LRRFIP2: variants seen among roughly 807,000 people sequenced by gnomAD.
LRRFIP2 encodes leucine-rich repeat flightless-interacting protein 2.
Under a neutral mutation model 125.9 loss-of-function variants are expected in LRRFIP2, and 109 were observed. The ratio of observed to expected loss-of-function variants is 0.87; its 90% CI spans 0.74 to 1.01. The LOEUF (loss-of-function observed/expected upper bound fraction) is 1.01. Ranked by LOEUF, LRRFIP2 falls within the 50% of genes least tolerant of loss-of-function variation. The pLI is 0.00. For missense variants in LRRFIP2, 850 were observed against 862.3 expected (o/e 0.99, Z 0.18); for synonymous variants, 291 against 293.1 (o/e 0.99, Z 0.07).
intron 2 of LRRFIP2, among the ~76,000 whole-genome samples, chr3:37,130,312 T>C (rs933648182): frequency 6.6e-6 from 1 of 152,240 alleles, no homozygotes; most frequent in African/African-American, 2.4e-5. Context: ...TACATGGTTA[T>C]ATGATGGACA....
intron 1 of LRRFIP2, among the ~76,000 whole-genome samples, chr3:37,157,034 CAGG>C (rs1183476237): frequency 2.0e-5 from 3 of 152,094 alleles, no homozygotes; most frequent in Non-Finnish European, 4.4e-5. Context: ...GAGGCTGAGG[CAGG>C]AGAATTCCTG....
At chr3:37,089,220 C>T (rs1355399377) in intron 18 of LRRFIP2, among the ~76,000 whole-genome samples, 2 of 152,000 alleles carry the variant, frequency 1.3e-5, no homozygotes, top group African/African-American at 4.8e-5. Flanking sequence ...CTTACAAAAT[C>T]GTTAATCTTT....
At chr3:37,055,411 T>C (rs1354197428) in intron 25 of LRRFIP2, among the ~76,000 whole-genome samples, 1 of 151,830 alleles carries the variant, frequency 6.6e-6, no homozygotes, top group African/African-American at 2.4e-5. Context: ...ACTAAAAATA[T>C]AAAAATTAGC....
At chr3:37,070,810 T>C (rs544276273) in intron 21 of LRRFIP2, among the ~76,000 whole-genome samples, 1 of 152,174 alleles carries the variant, frequency 6.6e-6, no homozygotes, top group Non-Finnish European at 1.5e-5. Context: ...CTGAGGGGTT[T>C]CTATGGCTGG....
At position 37,065,841 on chromosome 3, in the gene LRRFIP2, C is replaced by T. The variant is rs1575926483; in HGVS notation, c.1668G>A (p.Gln556=). ...AITVVSQEAA[Q]VLESAGEGPL... is the part of the protein sequence containing the mutation. ...GCCCTTCTCCTGCTGACTCCAAGAC[C>T]TGAGCAGCTTCCTGAGACACAACAG... The change falls in exon 23 of 28, where the codon CAG becomes CAA. Residue 556 remains glutamine (Q), a synonymous_variant. Coordinates refer to ENST00000336686, the MANE Select transcript of LRRFIP2 (RefSeq NM_006309.4). 17 of 1,614,186 alleles carry T rather than the reference C, an allele frequency of 1.1e-5. No individual in the cohort carries two copies. Among genetic ancestry groups the T allele is most frequent in the African/African-American group, 1.3e-5 (1 of 75,056 alleles).
intron 4 of LRRFIP2, 104 bp from the exon 5 acceptor site, chr3:37,121,795 T>C: frequency 9.4e-7 from 1 of 1,062,190 alleles, no homozygotes; most frequent in Non-Finnish European, 1.4e-6. Flanking sequence ...CAACAACTCC[T>C]GAGAGCAGGC....
chr3:37,092,477 G>A (rs2093499382), intron 17 of LRRFIP2, among the ~76,000 whole-genome samples: 1 of 152,128 alleles, frequency 6.6e-6, no homozygotes, highest in East Asian at 1.9e-4. Context: ...CAGATGGTAG[G>A]ATACAAAAAT....
intron 17 of LRRFIP2, among the ~76,000 whole-genome samples, chr3:37,094,123 G>A (rs1385577102): frequency 6.6e-6 from 1 of 152,080 alleles, no homozygotes; most frequent in African/African-American, 2.4e-5. Context: ...AATCCTGAAG[G>A]CCAGAACATA....
chr3:37,140,769 C>T (rs1005456005), intron 2 of LRRFIP2, among the ~76,000 whole-genome samples: 1 of 151,978 alleles, frequency 6.6e-6, no homozygotes, highest in Non-Finnish European at 1.5e-5. Context: ...CCATCAACTA[C>T]CCCATTACCC....
At chr3:37,080,135 C>T (rs2092499697) in intron 19 of LRRFIP2, among the ~76,000 whole-genome samples, 1 of 152,174 alleles carries the variant, frequency 6.6e-6, no homozygotes, top group Non-Finnish European at 1.5e-5. Context: ...CGCAGTGGCT[C>T]ACACCTGTAA....
intron 18 of LRRFIP2, among the ~76,000 whole-genome samples, chr3:37,085,925 TA>T (rs2093014895): frequency 6.6e-6 from 1 of 152,066 alleles, no homozygotes; most frequent in African/African-American, 2.4e-5. Flanking sequence ...ATCAAGAAAG[TA>T]AAAAGACAAC....
At chr3:37,130,382 A>T (rs2095396661) in intron 2 of LRRFIP2, among the ~76,000 whole-genome samples, 1 of 152,160 alleles carries the variant, frequency 6.6e-6, no homozygotes, top group Admixed American at 6.5e-5. Context: ...AAAATCCTCC[A>T]CCAACTCCTT....
intron 6 of LRRFIP2, among the ~76,000 whole-genome samples, chr3:37,119,143 T>C (rs2149524201): frequency 1.3e-5 from 2 of 152,328 alleles, no homozygotes; most frequent in Middle Eastern, 3.4e-3. Context: ...AGTAATGTAC[T>C]AGAATCTCCT....
At position 37,074,130 on chromosome 3, in the gene LRRFIP2, T is replaced by C. The variant is rs1428017783; in HGVS notation, c.1371+894A>G. Among the ~76,000 whole-genome samples, 3 of 152,164 alleles carry C rather than the reference T, an allele frequency of 2.0e-5. No homozygotes were observed. In the East Asian group the frequency reaches 5.8e-4, roughly 29 times the overall value. ...TCATTTCTTTTTCTCTATTAAATGG[T>C]TTTTAAAAATCATTTGTAGAGAGAC... On this transcript the variant is annotated intron_variant, in intron 20 of 27. Transcript: ENST00000336686.
At position 37,065,790 on chromosome 3, in the gene LRRFIP2, C is replaced by CAT; in HGVS notation, c.1699+18_1699+19dup. On this transcript the variant is annotated intron_variant, in intron 23 of 27. Transcript: ENST00000336686. Reference sequence around the variant, plus strand: ...ATAGGGTAACATTAATCCAAGTCAACATAGCAACCAGTATCTTACCTAATG... The same window carrying CAT: ...ATAGGGTAACATTAATCCAAGTCAACATATAGCAACCAGTATCTTACCTAATG... 1.2e-6 allele frequency: 2 copies of CAT among 1,614,106 alleles called. No individual in the cohort carries two copies. Among genetic ancestry groups the CAT allele is most frequent in the Non-Finnish European group, 1.7e-6 (2 of 1,179,956 alleles).
At chr3:37,077,858 G>A (rs549167417) in intron 19 of LRRFIP2, among the ~76,000 whole-genome samples, 1 of 152,266 alleles carries the variant, frequency 6.6e-6, no homozygotes, top group South Asian at 2.1e-4. Flanking sequence ...CAACATGGAT[G>A]AGCCTTAGGA....
At chr3:37,174,363 T>G (rs767633632) in intron 1 of LRRFIP2, 176 bp downstream of exon 1, 1 of 152,184 alleles carries the variant, frequency 6.6e-6, no homozygotes, top group Non-Finnish European at 1.5e-5. Context: ...ATTTCTAGTT[T>G]AAAGTGAATC....
intron 17 of LRRFIP2, 151 bp from the exon 18 acceptor site, chr3:37,091,689 C>T (rs775311312): frequency 1.6e-4 from 94 of 601,472 alleles, no homozygotes; most frequent in Non-Finnish European, 2.5e-4. Context: ...CACTCCCAAC[C>T]ACTGAAAAGG....
At chr3:37,161,980 C>G (rs201849585) in intron 1 of LRRFIP2, among the ~76,000 whole-genome samples, 1 of 151,398 alleles carries the variant, frequency 6.6e-6, no homozygotes, top group East Asian at 1.9e-4. Flanking sequence ...CTCAGGAGTT[C>G]GAGCCTGGAC....
Sources: gnomAD v4.1 joint callset for allele counts (sites outside exome capture counted in the v4.1 genomes callset) on GRCh38, gnomAD v4.1.1 for gene constraint, MANE v1.5 for transcripts, NCBI Gene and HGNC (gene_info 2026-07-23, HGNC 2026-07-21) for gene names.